The following LINGO2 variants were observed in gnomAD, a reference collection of about 807,000 sequenced individuals.
LINGO2 encodes leucine-rich repeat and immunoglobulin-like domain-containing nogo receptor-interacting protein 2.
LINGO2 carries 14 observed loss-of-function variants against 30.6 expected under a neutral mutation model. The ratio of observed to expected loss-of-function variants is 0.46; its 90% CI spans 0.30 to 0.72. The LOEUF (loss-of-function observed/expected upper bound fraction) is 0.72, where lower values mean the gene tolerates loss of function less well. Ranked by LOEUF, LINGO2 falls within the 30% of genes least tolerant of loss-of-function variation. The pLI is 0.07. For missense variants in LINGO2, 729 were observed against 751.7 expected (o/e 0.97, Z 0.35); for synonymous variants, 317 against 288.5 (o/e 1.10, Z -1.00).
chr9:28,465,469 C>A (rs950318743), intron 2 of LINGO2, among the ~76,000 whole-genome samples: 2 of 152,086 alleles, frequency 1.3e-5, no homozygotes, highest in African/African-American at 2.4e-5. Flanking sequence ...AGATAGGGGG[C>A]ATGGTAGGCC....
intron 1 of LINGO2, among the ~76,000 whole-genome samples, chr9:28,489,185 T>C (rs1321087763): frequency 6.6e-6 from 1 of 152,160 alleles, no homozygotes; most frequent in Admixed American, 6.5e-5. Flanking sequence ...ATGATCATGA[T>C]ATCACACTTT....
the LINGO2 span, among the ~76,000 whole-genome samples, chr9:28,795,344 T>C: frequency 1.3e-5 from 2 of 152,152 alleles, no homozygotes; most frequent in African/African-American, 4.8e-5. Flanking sequence ...TTATATTCAA[T>C]TTGACAGTCT....
the LINGO2 span, among the ~76,000 whole-genome samples, chr9:28,798,446 C>T: frequency 6.6e-6 from 1 of 152,078 alleles, no homozygotes; most frequent in Non-Finnish European, 1.5e-5. Flanking sequence ...ATGAGAACTG[C>T]TGATGGCTGC....
intron 2 of LINGO2, among the ~76,000 whole-genome samples, chr9:28,400,837 A>G (rs761059357): frequency 1.5e-4 from 23 of 152,362 alleles, no homozygotes; most frequent in Admixed American, 6.5e-4. Flanking sequence ...TCTGAAAAAT[A>G]AATTAATTCA....
At chr9:28,383,255 TGTG>T (rs537335854) in intron 2 of LINGO2, among the ~76,000 whole-genome samples, 1 of 129,942 alleles carries the variant, frequency 7.7e-6, no homozygotes, top group Admixed American at 7.2e-5. Context: ...CACCATTCAT[TGTG>T]TGTGTGTGTG....
rs72213590 is a variant in LINGO2, at chr9:28,441,251, CTTTTT to C, written c.-279+34684_-279+34688del. 1.5e-3 allele frequency among the ~76,000 whole-genome samples: 55 copies of C among 36,262 alleles called. 1 individual carries two copies. The highest frequency in any genetic ancestry group is 2.6e-3 in the Non-Finnish European group (48 of 18,762). The allele number at this position is 36,262 out of a possible 152,430, so 23.8% of individuals were successfully genotyped here. A position where few individuals can be genotyped will look rare whatever the true frequency, so the allele number is the denominator to read the frequency against. ...TATAGCAGTATAAATTCATTGGAGG[CTTTTT>C]TTTTTTTTTTTTTTTTTTTTTTTTT... On this transcript the variant is annotated intron_variant, in intron 2 of 5. Coordinates refer to ENST00000379992, the Ensembl canonical transcript of LINGO2.
intron 4 of LINGO2, among the ~76,000 whole-genome samples, chr9:28,048,496 A>T (rs1289082640): frequency 6.7e-6 from 1 of 150,204 alleles, no homozygotes; most frequent in Non-Finnish European, 1.5e-5. Context: ...AAATGGATTA[A>T]GAAATATTGT....
At chr9:28,460,134 CT>C (rs1825019956) in intron 2 of LINGO2, among the ~76,000 whole-genome samples, 1 of 152,020 alleles carries the variant, frequency 6.6e-6, no homozygotes. Context: ...TCAGCTATCC[CT>C]TTTTGACACT....
At chr9:28,839,783 T>G in the LINGO2 span, among the ~76,000 whole-genome samples, 1 of 152,216 alleles carries the variant, frequency 6.6e-6, no homozygotes, top group African/African-American at 2.4e-5. Context: ...CATCCCAGGC[T>G]TGAAGGTGGA....
At chr9:28,903,479 A>T in the LINGO2 span, among the ~76,000 whole-genome samples, 2 of 152,044 alleles carry the variant, frequency 1.3e-5, no homozygotes, top group Admixed American at 1.3e-4. Context: ...CCATCCATTC[A>T]TTCATTCATT....
chr9:28,657,211 A>C (rs574766863), intron 1 of LINGO2, among the ~76,000 whole-genome samples: 1 of 152,146 alleles, frequency 6.6e-6, no homozygotes, highest in African/African-American at 2.4e-5. Context: ...TCACCATTTT[A>C]GCCATTTTTA....
At chr9:28,729,432 CAG>C in the LINGO2 span, among the ~76,000 whole-genome samples, 5 of 151,920 alleles carry the variant, frequency 3.3e-5, no homozygotes, top group African/African-American at 1.2e-4. Flanking sequence ...AAAAAAATCT[CAG>C]GGGAACTAAA....
chr9:27,982,036 T>C (rs1277855403), intron 5 of LINGO2, among the ~76,000 whole-genome samples: 1 of 151,766 alleles, frequency 6.6e-6, no homozygotes, highest in Non-Finnish European at 1.5e-5. Context: ...ATCTACAGAG[T>C]CTCTGTGAAA....
At chr9:28,350,132 C>T (rs986124250) in intron 3 of LINGO2, among the ~76,000 whole-genome samples, 1 of 149,372 alleles carries the variant, frequency 6.7e-6, no homozygotes, top group Non-Finnish European at 1.5e-5. Context: ...ATGACAGGAT[C>T]AAATTCACAC....
At chr9:28,451,073 T>A (rs182903634) in intron 2 of LINGO2, among the ~76,000 whole-genome samples, 266 of 152,036 alleles carry the variant, frequency 1.7e-3, no homozygotes, top group African/African-American at 6.0e-3. Flanking sequence ...GATAAAATTT[T>A]TGAATGCAAG....
chr9:28,321,180 A>G (rs1334164086), intron 3 of LINGO2, among the ~76,000 whole-genome samples: 1 of 152,172 alleles, frequency 6.6e-6, no homozygotes. Context: ...AAACTATTCC[A>G]TATGTTTCTC....
chr9:28,576,518 G>A (rs1206187219), intron 1 of LINGO2, among the ~76,000 whole-genome samples: 2 of 152,122 alleles, frequency 1.3e-5, no homozygotes, highest in Non-Finnish European at 2.9e-5. Context: ...TTGCCATTAT[G>A]CAGATATTCC....
the LINGO2 span, among the ~76,000 whole-genome samples, chr9:28,988,790 G>T: frequency 6.6e-6 from 1 of 152,186 alleles, no homozygotes; most frequent in African/African-American, 2.4e-5. Context: ...CTACCTGGGG[G>T]AGTGGGACTG....
intron 2 of LINGO2, among the ~76,000 whole-genome samples, chr9:28,396,471 G>A (rs538333239): frequency 9.9e-5 from 15 of 151,966 alleles, no homozygotes; most frequent in South Asian, 4.1e-4. Flanking sequence ...TTGGGAGGCC[G>A]AGGCAGGCGG....
Sources: allele counts gnomAD v4.1 joint callset (sites outside exome capture counted in the v4.1 genomes callset), GRCh38; gene constraint gnomAD v4.1.1; transcripts MANE v1.5; gene names NCBI Gene and HGNC (gene_info 2026-07-23, HGNC 2026-07-21).